Variants in CRIP2 observed in about 807,000 individuals in gnomAD.
CRIP2 encodes cysteine rich protein 2.
In CRIP2, 31 loss-of-function variants were observed where a neutral mutation model predicts 31.3. The observed-to-expected ratio is 0.99, with a 90% CI of 0.74 to 1.34. The LOEUF is 1.34. CRIP2 is among the 40% of genes most tolerant of loss of function. The pLI is 0.00. For missense variants in CRIP2, 389 were observed against 301.6 expected (o/e 1.29, Z -2.15); for synonymous variants, 177 against 127.2 (o/e 1.39, Z -2.63).
At chr14:105,476,361 C>A (rs587662148) in intron 1 of CRIP2, 2 of 985,492 alleles carry the variant, frequency 2.0e-6, no homozygotes, top group East Asian at 1.1e-4. Context: ...ACTGTGAGGG[C>A]GAGGGTCCAG....
intron 1 of CRIP2, chr14:105,476,097 C>G (rs587683937): frequency 1.0e-6 from 1 of 985,492 alleles, no homozygotes; most frequent in Non-Finnish European, 1.2e-6. Flanking sequence ...GGAGCCCGCT[C>G]AGCCCTCAGT....
chr14:105,475,735 C>T (rs974800060), intron 1 of CRIP2: 4 of 820,008 alleles, frequency 4.9e-6, no homozygotes, highest in Non-Finnish European at 2.9e-6. Context: ...CTTACTCACT[C>T]TCTGGGCCTG....
At chr14:105,477,817 G>A (rs1236920831) in intron 1 of CRIP2, among the ~76,000 whole-genome samples, 1 of 108,662 alleles carries the variant, frequency 9.2e-6, no homozygotes, top group Non-Finnish European at 1.9e-5. Flanking sequence ...GGGGAGGCGG[G>A]CGTGTGGGGG....
At position 105,479,458 on chromosome 14, in the gene CRIP2, A is replaced by C. The variant is rs782020936; in HGVS notation, c.524A>C (p.His175Pro). 9.9e-6 allele frequency: 16 copies of C among 1,612,788 alleles called. No individual in the cohort carries two copies. The highest frequency in any genetic ancestry group is 1.6e-4 in the Middle Eastern group (1 of 6,084). The change falls in exon 7 of 8, where the codon CAC becomes CCC. Residue 175 changes from histidine (H) to proline (P), a missense_variant. Physicochemically the swap from His to Pro is moderately conservative, Grantham distance 77 (BLOSUM62 -2). Transcript: ENST00000329146. ...HAEHDGQPYC[H>P]KPCYGILFGP... ...CAGCACGACGGCCAGCCCTACTGCC[A>C]CAAGCCCTGCTATGGAATCCTCTTC...
chr14:105,475,069 A>T (rs1345485873), intron 1 of CRIP2, among the ~76,000 whole-genome samples, 164 bp downstream of exon 1: 2 of 152,170 alleles, frequency 1.3e-5, no homozygotes, highest in African/African-American at 4.8e-5. Context: ...AAGCGGCTAA[A>T]GCCAAAGGGT....
In CRIP2 at chr14:105,478,738, C is replaced by T. The variant is rs1227567784; in HGVS notation, c.204C>T (p.Asn68=). ...ACGTACCCCCACCCGCAGGCGTGAA[C>T]ATCGGGGGCGCGGGCTCCTACATCT... The part of the protein sequence containing the change: ...YATLFGPKGV[N]IGGAGSYIYE... The change falls in exon 4 of 8, where the codon AAC becomes AAT. Residue 68 remains asparagine, a synonymous_variant. Transcript: ENST00000329146. The surrounding 1 kb of genome is among the most constrained non-coding windows in gnomAD (Gnocchi z 4.9). 1.4e-6 allele frequency: 2 copies of T among 1,432,098 alleles called. No homozygotes were observed. Among genetic ancestry groups the T allele is most frequent in the Admixed American group, 2.9e-5 (1 of 35,050 alleles). The allele number at this position is 1,432,098 out of a possible 1,614,324, so 88.7% of individuals were successfully genotyped here.
upstream of CRIP2, among the ~76,000 whole-genome samples, chr14:105,473,881 C>T (rs782045297): frequency 6.6e-6 from 1 of 152,174 alleles, no homozygotes; most frequent in Admixed American, 6.5e-5. Flanking sequence ...CCCCCAGGCA[C>T]GCAGCTGGTC....
chr14:105,479,761 G>GC lies in CRIP2; in HGVS notation c.*111dup, dbSNP rs1258932739. 1.6e-6 allele frequency: 2 copies of GC among 1,260,556 alleles called. No homozygotes were observed. The highest frequency in any genetic ancestry group is 2.2e-6 in the Non-Finnish European group (2 of 901,882). 78.1% of individuals were successfully genotyped at this position (1,260,556 alleles called of 1,614,324 possible). On this transcript the variant is annotated 3_prime_UTR_variant, in exon 8 of 8. Coordinates refer to ENST00000329146, the MANE Select transcript of CRIP2 (RefSeq NM_001312.4). ...CTCAGCCGCCCAGTCCTGCCTGCAA[G>GC]CCCAGGGCGAGTATTGGAGGAGGGG...
At chr14:105,476,588 A>C in intron 1 of CRIP2, 2 of 985,404 alleles carry the variant, frequency 2.0e-6, no homozygotes, top group Non-Finnish European at 2.4e-6. Context: ...TCTGAGGGCC[A>C]GTTCCCTGCC....
In CRIP2 at chr14:105,478,553, GGCGTGGCGCTGGCGC is replaced by G; in HGVS notation, c.196+47_196+61del. 1 of 1,582,774 alleles carries G rather than the reference GGCGTGGCGCTGGCGC, an allele frequency of 6.3e-7. No individual in the cohort carries two copies. Among genetic ancestry groups the G allele is most frequent in the Middle Eastern group, 1.7e-4 (1 of 5,840 alleles). ...GCCTGCCCTGGGACCTGCTGGGAGGGGCGTGGCGCTGGCGCTGGGGAGGGCTGGGGGTCCCGGCCG... is the reference window on the plus strand; with the variant it reads ...GCCTGCCCTGGGACCTGCTGGGAGGGTGGGGAGGGCTGGGGGTCCCGGCCG... On this transcript the variant is annotated intron_variant, in intron 3 of 7. Coordinates refer to ENST00000329146, the MANE Select transcript of CRIP2 (RefSeq NM_001312.4). This position sits in a 1 kb window ranked among gnomAD's most constrained non-coding sequence, Gnocchi z 4.9.
chr14:105,477,319 C>T (rs2083953319), intron 1 of CRIP2: 1 of 985,494 alleles, frequency 1.0e-6, no homozygotes, highest in Non-Finnish European at 1.2e-6. Context: ...GCCCTCAGAT[C>T]TTCCATGCCA....
Position 105,479,959 on chromosome 14 carries a change from C to G in CRIP2, c.*306C>G, listed in dbSNP as rs587694438. On this transcript the variant is annotated 3_prime_UTR_variant, in exon 8 of 8. Transcript: ENST00000329146. Reference sequence around the variant, plus strand: ...GTGTCCCCGTGGCGCTGTCCGCTCTCCCTCTCCTGCTGCCCACCCACCTGC... The same window carrying G: ...GTGTCCCCGTGGCGCTGTCCGCTCTGCCTCTCCTGCTGCCCACCCACCTGC... The G allele has an allele frequency of 1.7e-4, 70 of 423,376 alleles. No homozygotes were observed. In the Admixed American group the frequency reaches 2.3e-3, roughly 14 times the overall value. The allele number at this position is 423,376 out of a possible 1,614,324, so 26.2% of individuals were successfully genotyped here.
intron 1 of CRIP2, chr14:105,475,872 G>A: frequency 2.0e-6 from 2 of 985,542 alleles, no homozygotes; most frequent in Non-Finnish European, 1.2e-6. Context: ...GAAGCAGAGA[G>A]GAGGGCCGGG....
At chr14:105,476,432 T>C (rs1237074147) in intron 1 of CRIP2, 2 of 985,368 alleles carry the variant, frequency 2.0e-6, no homozygotes, top group Non-Finnish European at 2.4e-6. Flanking sequence ...GAACCCAGGC[T>C]GGGATGTCGG....
chr14:105,478,734 T>C lies in CRIP2; in HGVS notation c.200T>C (p.Val67Ala). 1 of 1,397,632 alleles carries C rather than the reference T, an allele frequency of 7.2e-7. No individual in the cohort carries two copies. Among genetic ancestry groups the C allele is most frequent in the Non-Finnish European group, 9.3e-7 (1 of 1,077,532 alleles). 86.6% of individuals were successfully genotyped at this position (1,397,632 alleles called of 1,614,324 possible). ...CCCCACGTACCCCCACCCGCAGGCGTGAACATCGGGGGCGCGGGCTCCTAC... is the reference window on the plus strand; with the variant it reads ...CCCCACGTACCCCCACCCGCAGGCGCGAACATCGGGGGCGCGGGCTCCTAC... ...CYATLFGPKG[V>A]NIGGAGSYIY... The change falls in exon 4 of 8, where the codon GTG becomes GCG. Residue 67 changes from valine to alanine, a missense_variant. Physicochemically the swap from Val to Ala is moderately conservative, Grantham distance 64 (BLOSUM62 0). Coordinates refer to ENST00000329146, the MANE Select transcript of CRIP2 (RefSeq NM_001312.4). The surrounding 1 kb of genome is among the most constrained non-coding windows in gnomAD (Gnocchi z 4.9).
rs1555436912 is a variant in CRIP2 at position 105,479,600 on chromosome 14, G to A, written c.574G>A (p.Ala192Thr). 2 of 1,612,656 alleles carry A rather than the reference G, an allele frequency of 1.2e-6. No homozygotes were observed. The highest frequency in any genetic ancestry group is 1.3e-5 in the African/African-American group (1 of 74,916). Residue 192 changes from alanine (A) to threonine (T), a missense_variant, in exon 8 of 8, where the codon GCG becomes ACG. Transcript: ENST00000329146. ...LFGPKGVNTG[A>T]VGSYIYDRDP... ...TCCCTCCACAGGAGTGAACACCGGT[G>A]CGGTGGGCAGCTACATCTATGACCG...
chr14:105,476,412 T>C, intron 1 of CRIP2: 2 of 985,482 alleles, frequency 2.0e-6, no homozygotes, highest in African/African-American at 1.7e-5. Context: ...CCGCAGCTCA[T>C]ACCTGAGTAG....
Position 105,478,318 on chromosome 14 carries a change from C to A in CRIP2, c.96C>A (p.Cys32Ter). Residue 32 changes from cysteine to a stop codon, truncating the protein, a stop_gained, in exon 2 of 8, where the codon TGC (cysteine) becomes TGA (stop). Coordinates refer to ENST00000329146, the MANE Select transcript of CRIP2 (RefSeq NM_001312.4). LOFTEE classifies it high-confidence loss of function. This position sits in a 1 kb window ranked among gnomAD's most constrained non-coding sequence, Gnocchi z 4.9. ...ACTGGCACAAGTTCTGCCTCAAGTG[C>A]GAGCGCTGCAGCAAGACGCTGACGC... is the stretch of plus-strand genomic sequence containing the variant. ...GKDWHKFCLKCERCSKTLTPG... is the reference protein window; with the variant it reads ...GKDWHKFCLK The A allele has an allele frequency of 6.4e-7, 1 of 1,571,468 alleles. No homozygotes were observed. Among genetic ancestry groups the A allele is most frequent in the Non-Finnish European group, 8.6e-7 (1 of 1,161,430 alleles).
In CRIP2 at chr14:105,478,792, G is replaced by C. The variant is rs782271622; in HGVS notation, c.258G>C (p.Gln86His). 3,633 of 1,434,282 alleles carry C rather than the reference G, an allele frequency of 2.5e-3. 14 individuals carry two copies. The highest frequency in any genetic ancestry group is 3.2e-3 in the Non-Finnish European group (3,515 of 1,101,540). 88.8% of individuals were successfully genotyped at this position (1,434,282 alleles called of 1,614,324 possible). ...AGAAGCCCCTGGCGGAGGGGCCGCA[G>C]GTCACCGGCCCCATCGAGGTCCCCG... ...IYEKPLAEGPQVTGPIEVPAA... is the reference protein window; with the variant it reads ...IYEKPLAEGPHVTGPIEVPAA... Residue 86 changes from glutamine to histidine, a missense_variant, in exon 4 of 8, where the codon CAG (glutamine) becomes CAC (histidine). Gln to His is a conservative substitution (Grantham distance 24). Coordinates refer to ENST00000329146, the MANE Select transcript of CRIP2 (RefSeq NM_001312.4). This position sits in a 1 kb window ranked among gnomAD's most constrained non-coding sequence, Gnocchi z 4.9.
Sources: gnomAD v4.1 joint callset for allele counts (sites outside exome capture counted in the v4.1 genomes callset) on GRCh38, gnomAD v4.1.1 for gene constraint, Gnocchi (gnomAD v3.1) non-coding constraint, MANE v1.5 for transcripts, NCBI Gene and HGNC (gene_info 2026-07-23, HGNC 2026-07-21) for gene names.